Variants in PAICS observed in about 807,000 individuals in gnomAD.
PAICS encodes bifunctional phosphoribosylaminoimidazole carboxylase/phosphoribosylaminoimidazole succinocarboxamide synthetase.
Under a neutral mutation model 53.7 loss-of-function variants are expected in PAICS, and 33 were observed. The ratio of observed to expected loss-of-function variants is 0.61; its 90% confidence interval spans 0.47 to 0.82. The LOEUF is 0.82. Ranked by LOEUF, PAICS falls within the 40% of genes least tolerant of loss-of-function variation. The pLI is 0.00. For missense variants in PAICS, 394 were observed against 494.1 expected, an observed-to-expected ratio of 0.80 and a Z score of 1.92; for synonymous variants, 141 against 167.2, an observed-to-expected ratio of 0.84 and a Z score of 1.21.
At chr4:56,416,811 G>C in the PAICS span, among the ~76,000 whole-genome samples, 1 of 152,070 alleles carries the variant, frequency 6.6e-6, no homozygotes, top group African/African-American at 2.4e-5. Context: ...AGGATAATTT[G>C]AATCACCCAA....
the PAICS span, among the ~76,000 whole-genome samples, chr4:56,419,192 G>A: frequency 6.6e-6 from 1 of 152,108 alleles, no homozygotes; most frequent in Non-Finnish European, 1.5e-5. Context: ...AAAAAAGAAA[G>A]GAGTTAAATT....
At chr4:56,412,309 CTT>C in the PAICS span, among the ~76,000 whole-genome samples, 38 of 141,990 alleles carry the variant, frequency 2.7e-4, no homozygotes, top group Admixed American at 7.1e-4. Context: ...CTCCCATCAC[CTT>C]TTTTTTTTTT....
At chr4:56,457,286 G>A (rs1212865760) in intron 8 of PAICS, among the ~76,000 whole-genome samples, 1 of 152,120 alleles carries the variant, frequency 6.6e-6, no homozygotes, top group Non-Finnish European at 1.5e-5. Flanking sequence ...GGTGGCACAC[G>A]CCTGTGGTCC....
the PAICS span, chr4:56,420,534 T>C: frequency 4.6e-5 from 7 of 152,206 alleles, 1 homozygote; most frequent in Admixed American, 2.0e-4. Context: ...ACAGATTTAG[T>C]ATACATTTGA....
At position 56,464,360 on chromosome 4, in the gene PAICS, A is replaced by G. The variant is rs1411168264; in HGVS notation, c.*4822A>G. The G allele has an allele frequency of 6.6e-6, 1 of 152,024 alleles. No homozygotes were observed. The highest frequency in any genetic ancestry group is 2.4e-5 in the African/African-American group (1 of 41,358). The allele number at this position is 152,024 out of a possible 1,614,324, so 9.4% of individuals were successfully genotyped here. A position where few individuals can be genotyped will look rare whatever the true frequency, so the allele number is the denominator to read the frequency against. ...ACACCGTATATAGTCTTAATATGGAATTAACAATAGGGTATTGTGAATACA... is the reference window on the plus strand; with the variant it reads ...ACACCGTATATAGTCTTAATATGGAGTTAACAATAGGGTATTGTGAATACA... On this transcript the variant is annotated 3_prime_UTR_variant, in exon 9 of 9. Transcript: ENST00000512576.
chr4:56,435,731 C>A (rs972501082), upstream of PAICS: 73 of 1,470,978 alleles, frequency 5.0e-5, no homozygotes, highest in Non-Finnish European at 6.4e-5. Flanking sequence ...GGCGGGGTCA[C>A]GGATGCTGTA....
intron 2 of PAICS, among the ~76,000 whole-genome samples, chr4:56,442,590 A>G (rs534139507): frequency 2.6e-5 from 4 of 152,338 alleles, no homozygotes; most frequent in East Asian, 3.9e-4. Context: ...CTTGCCACAC[A>G]GTGTAAATAG....
the PAICS span, among the ~76,000 whole-genome samples, chr4:56,417,334 A>G: frequency 6.6e-6 from 1 of 152,240 alleles, no homozygotes; most frequent in Non-Finnish European, 1.5e-5. Flanking sequence ...AAGACATTAA[A>G]TACACCATAA....
rs945142311 is a variant in PAICS at position 56,460,540 on chromosome 4, T to C, written c.*1002T>C. 7 of 152,264 alleles carry C rather than the reference T, an allele frequency of 4.6e-5. No individual in the cohort carries two copies. Among genetic ancestry groups the C allele is most frequent in the African/African-American group, 1.4e-4 (6 of 41,452 alleles). The allele number at this position is 152,264 out of a possible 1,614,324, so 9.4% of individuals were successfully genotyped here. A position where few individuals can be genotyped will look rare whatever the true frequency, so the allele number is the denominator to read the frequency against. Reference sequence around the variant, plus strand: ...CCCAAGGACTTCTAACAATAAACTCTCTTTTGCACCACAGACTTCTTTGAA... The same window carrying C: ...CCCAAGGACTTCTAACAATAAACTCCCTTTTGCACCACAGACTTCTTTGAA... On this transcript the variant is annotated 3_prime_UTR_variant, in exon 9 of 9. Transcript: ENST00000512576.
upstream of PAICS, among the ~76,000 whole-genome samples, chr4:56,433,207 G>GCC (rs1179316388): frequency 6.6e-6 from 1 of 151,606 alleles, no homozygotes; most frequent in Non-Finnish European, 1.5e-5. Context: ...AGCCCTCTTT[G>GCC]TGCACCTTAA....
chr4:56,458,317 T>C (rs1193545849), intron 8 of PAICS, among the ~76,000 whole-genome samples: 2 of 152,096 alleles, frequency 1.3e-5, no homozygotes, highest in Non-Finnish European at 2.9e-5. Flanking sequence ...AGCTATTCTT[T>C]TACCAGAAAG....
At chr4:56,442,633 C>G (rs576557158) in intron 2 of PAICS, among the ~76,000 whole-genome samples, 68 of 152,274 alleles carry the variant, frequency 4.5e-4, no homozygotes, top group African/African-American at 1.6e-3. Context: ...ACCTACGAAA[C>G]CTTACCTATG....
In PAICS at chr4:56,455,231, T is replaced by C. The variant is rs567673985; in HGVS notation, c.1111+1470T>C. On this transcript the variant is annotated intron_variant, in intron 8 of 8. Coordinates refer to ENST00000512576, the MANE Select transcript of PAICS (RefSeq NM_001079524.2). Reference sequence around the variant, plus strand: ...ATGGAACTGGATCACGTAACAGTGTTGTGGTTCGTTCATCATAGTCCAAGA... The same window carrying C: ...ATGGAACTGGATCACGTAACAGTGTCGTGGTTCGTTCATCATAGTCCAAGA... Among the ~76,000 whole-genome samples the C allele has an allele frequency of 3.3e-5, 5 of 152,336 alleles. No homozygotes were observed. In the South Asian group the frequency reaches 1.0e-3, roughly 32 times the overall value.
Position 56,459,725 on chromosome 4 carries a change from C to T in PAICS, c.*187C>T. 2.0e-6 allele frequency: 1 copy of T among 499,054 alleles called. No homozygotes were observed. The highest frequency in any genetic ancestry group is 3.6e-6 in the Non-Finnish European group (1 of 279,294). The allele number at this position is 499,054 out of a possible 1,614,324, so 30.9% of individuals were successfully genotyped here. A position where few individuals can be genotyped will look rare whatever the true frequency, so the allele number is the denominator to read the frequency against. On this transcript the variant is annotated 3_prime_UTR_variant, in exon 9 of 9. Transcript: ENST00000512576. ...CTAACCCCTCCTTTCTTAGGCTAGA[C>T]ACCAAGATATTTCAGCCAGCCTTTA...
intron 1 of PAICS, among the ~76,000 whole-genome samples, chr4:56,436,872 C>G (rs1560655347): frequency 7.9e-6 from 1 of 127,220 alleles, no homozygotes; most frequent in Non-Finnish European, 1.6e-5. Flanking sequence ...TGGCGCGCGC[C>G]TGTAATCCCC....
intron 8 of PAICS, among the ~76,000 whole-genome samples, chr4:56,457,228 C>A (rs1719257830): frequency 6.6e-6 from 1 of 152,036 alleles, no homozygotes; most frequent in South Asian, 2.1e-4. Context: ...GCCTAGGCAA[C>A]CTGGCGAAAC....
intron 2 of PAICS, among the ~76,000 whole-genome samples, chr4:56,443,499 T>A (rs77038947): frequency 5.4e-5 from 8 of 147,248 alleles, no homozygotes; most frequent in Non-Finnish European, 9.0e-5. Context: ...GTTCCATCGA[T>A]TTTTTTTTTT....
At chr4:56,446,960 G>A in intron 3 of PAICS, 87 bp downstream of exon 3, 2 of 843,202 alleles carry the variant, frequency 2.4e-6, no homozygotes, top group Middle Eastern at 2.7e-4. Context: ...AAATATTCAA[G>A]CAAAGTTTTT....
upstream of PAICS, chr4:56,435,640 T>G: frequency 6.9e-7 from 1 of 1,439,114 alleles, no homozygotes; most frequent in East Asian, 2.5e-5. Context: ...TGTCCCTAGG[T>G]GGCGTGGCCA....
Sources: allele counts gnomAD v4.1 joint callset (sites outside exome capture counted in the v4.1 genomes callset), GRCh38; gene constraint gnomAD v4.1.1; transcripts MANE v1.5; gene names NCBI Gene and HGNC (gene_info 2026-07-23, HGNC 2026-07-21).